The following NEBL variants were observed in gnomAD, a reference collection of about 807,000 sequenced individuals.
The protein encoded by NEBL is nebulette, also known as LIM and SH3 protein 2.
A neutral mutation model predicts 140.2 loss-of-function variants in NEBL; 122 were observed. The ratio of observed to expected loss-of-function variants is 0.87; its 90% confidence interval spans 0.75 to 1.01. The LOEUF (loss-of-function observed/expected upper bound fraction) is 1.01. NEBL is among the 50% of genes least tolerant of loss of function. NEBL has a pLI of 0.00. For missense variants in NEBL, 1,365 were observed against 1,231.3 expected (o/e 1.11, Z -1.62); for synonymous variants, 436 against 398.9 (o/e 1.09, Z -1.11).
At chr10:20,903,282 C>T (rs1847950744) in intron 4 of NEBL, among the ~76,000 whole-genome samples, 1 of 152,102 alleles carries the variant, frequency 6.6e-6, no homozygotes, top group Non-Finnish European at 1.5e-5. Context: ...TATCACTAAT[C>T]ATCAGATAAA....
At chr10:20,978,216 C>A (rs961125375) in intron 3 of NEBL, among the ~76,000 whole-genome samples, 2 of 152,176 alleles carry the variant, frequency 1.3e-5, no homozygotes, top group Non-Finnish European at 2.9e-5. Flanking sequence ...TTCCCCAACA[C>A]TTCCCTGGTC....
chr10:20,829,035 G>T (rs1028214049), intron 16 of NEBL, among the ~76,000 whole-genome samples: 2 of 152,048 alleles, frequency 1.3e-5, no homozygotes, highest in Non-Finnish European at 2.9e-5. Context: ...AATGGGTATT[G>T]TTCTAAATAC....
At chr10:21,058,574 A>G (rs1835139157) in intron 2 of NEBL, among the ~76,000 whole-genome samples, 1 of 152,184 alleles carries the variant, frequency 6.6e-6, no homozygotes, top group African/African-American at 2.4e-5. Flanking sequence ...AAAAAAAACA[A>G]CTTGTAAAAG....
chr10:21,192,038 T>C (rs1841582528), intron 3 of NEBL, among the ~76,000 whole-genome samples: 1 of 152,184 alleles, frequency 6.6e-6, no homozygotes, highest in South Asian at 2.1e-4. Flanking sequence ...GTTTCTTTAA[T>C]GACCTACTCA....
intron 2 of NEBL, among the ~76,000 whole-genome samples, chr10:21,033,219 T>A (rs1008182146): frequency 1.3e-5 from 2 of 152,158 alleles, no homozygotes; most frequent in African/African-American, 4.8e-5. Context: ...GGGACTCGAG[T>A]ATCTAAGATA....
At chr10:20,829,593 A>G (rs1840210054) in intron 16 of NEBL, among the ~76,000 whole-genome samples, 1 of 151,124 alleles carries the variant, frequency 6.6e-6, no homozygotes, top group African/African-American at 2.4e-5. Flanking sequence ...TAATAATAAT[A>G]AAATTAAAAA....
At chr10:21,197,343 G>T (rs1397933927) in intron 3 of NEBL, among the ~76,000 whole-genome samples, 1 of 152,194 alleles carries the variant, frequency 6.6e-6, no homozygotes, top group Non-Finnish European at 1.5e-5. Context: ...TCCACAATAT[G>T]TCTAGAAGTT....
chr10:21,195,094 C>T (rs1459660210), intron 3 of NEBL, among the ~76,000 whole-genome samples: 2 of 152,120 alleles, frequency 1.3e-5, no homozygotes, highest in Admixed American at 1.3e-4. Context: ...TAGAATTTCA[C>T]AAATTATTAA....
At chr10:21,061,203 C>A (rs977897975) in intron 2 of NEBL, among the ~76,000 whole-genome samples, 1 of 146,996 alleles carries the variant, frequency 6.8e-6, no homozygotes, top group Non-Finnish European at 1.5e-5. Context: ...TATTATAGAT[C>A]ATATAATATA....
In NEBL at chr10:20,814,010, C is replaced by T. The variant is rs148179937; in HGVS notation, c.2275G>A (p.Gly759Ser). 2 of 1,610,018 alleles carry T rather than the reference C, an allele frequency of 1.2e-6. No homozygotes were observed. The highest frequency in any genetic ancestry group is 1.7e-4 in the Middle Eastern group (1 of 6,050). Residue 759 changes from glycine to serine, a missense_variant, in exon 23 of 28, where the codon GGT becomes AGT. Transcript: ENST00000377122. ...GTATCTAAAATCAGACTTGGTCTAC[C>T]TTTCATCTGTTTATGGTCCTGGGTA... Reference protein sequence around the residue: ...KYTQDHKQMKGRPSLILDTPA... With the variant: ...KYTQDHKQMKSRPSLILDTPA...
At chr10:20,928,263 T>C (rs572122710) in intron 4 of NEBL, among the ~76,000 whole-genome samples, 1 of 152,322 alleles carries the variant, frequency 6.6e-6, no homozygotes, top group African/African-American at 2.4e-5. Context: ...TGTTTACATT[T>C]AAACTAAGTA....
At chr10:20,982,571 C>T (rs1385985733) in intron 3 of NEBL, among the ~76,000 whole-genome samples, 3 of 152,088 alleles carry the variant, frequency 2.0e-5, no homozygotes, top group African/African-American at 7.2e-5. Context: ...TTCACTGATT[C>T]TATATTTCTG....
chr10:21,229,447 A>G (rs1173752927), intron 3 of NEBL, among the ~76,000 whole-genome samples: 1 of 152,176 alleles, frequency 6.6e-6, no homozygotes, highest in Non-Finnish European at 1.5e-5. Context: ...GGGAAATAAT[A>G]TAATAAAATG....
At chr10:20,849,099 C>T (rs1479471163) in intron 11 of NEBL, among the ~76,000 whole-genome samples, 1 of 152,142 alleles carries the variant, frequency 6.6e-6, no homozygotes, top group Non-Finnish European at 1.5e-5. Context: ...CTGAGACCAG[C>T]ATCCACTATT....
chr10:20,842,403 G>T lies in NEBL; in HGVS notation c.1228-1554C>A, dbSNP rs189623705. Reference sequence around the variant, plus strand: ...GGGCAATGGGGGGATCATAGGAAATGAAGTATAAAATGATACTTTGAACAC... The same window carrying T: ...GGGCAATGGGGGGATCATAGGAAATTAAGTATAAAATGATACTTTGAACAC... On this transcript the variant is annotated intron_variant, in intron 12 of 27. Transcript: ENST00000377122. Among the ~76,000 whole-genome samples, 749 of 151,818 alleles carry T rather than the reference G, an allele frequency of 4.9e-3. 10 individuals carry two copies. The highest frequency in any genetic ancestry group is 0.017 in the African/African-American group (715 of 41,190).
chr10:21,035,510 A>T (rs1833979086), intron 2 of NEBL, among the ~76,000 whole-genome samples: 1 of 152,164 alleles, frequency 6.6e-6, no homozygotes, highest in South Asian at 2.1e-4. Flanking sequence ...ATCACAAAAT[A>T]TATCAGCTCT....
At chr10:20,827,330 C>T (rs1363021474) in intron 17 of NEBL, among the ~76,000 whole-genome samples, 1 of 152,194 alleles carries the variant, frequency 6.6e-6, no homozygotes, top group East Asian at 1.9e-4. Context: ...GCCTCTTTTC[C>T]TCATCCTTCC....
At chr10:21,176,558 T>C (rs1227440867), upstream of NEBL, among the ~76,000 whole-genome samples, 1 of 152,192 alleles carries the variant, frequency 6.6e-6, no homozygotes, top group Non-Finnish European at 1.5e-5. Context: ...TCCTTTATTT[T>C]CAAATTCAAA....
At chr10:21,053,987 C>T (rs1251875823) in intron 2 of NEBL, among the ~76,000 whole-genome samples, 1 of 151,972 alleles carries the variant, frequency 6.6e-6, no homozygotes, top group African/African-American at 2.4e-5. Context: ...GAGCCAAGAT[C>T]ACACCACTGC....
Sources: allele counts gnomAD v4.1 joint callset (sites outside exome capture counted in the v4.1 genomes callset), GRCh38; gene constraint gnomAD v4.1.1; transcripts MANE v1.5; gene names NCBI Gene and HGNC (gene_info 2026-07-23, HGNC 2026-07-21).